The following KIT variants were observed in gnomAD, a reference collection of about 807,000 sequenced individuals.
KIT encodes mast/stem cell growth factor receptor Kit.
Under a neutral mutation model 105.7 loss-of-function variants are expected in KIT, and 16 were observed. The ratio of observed to expected loss-of-function variants is 0.15; its 90% CI spans 0.10 to 0.23. The LOEUF (loss-of-function observed/expected upper bound fraction) is 0.23, where lower values mean the gene tolerates loss of function less well. Ranked by LOEUF, KIT falls within the 10% of genes least tolerant of loss-of-function variation. The pLI is 1.00. For synonymous variants in KIT, 438 were observed against 441.1 expected (o/e 0.99, Z 0.09); for missense variants, 858 against 1,213.8 (o/e 0.71, Z 4.36).
chr4:54,715,889 GGACTGCTCAGATTTGGTCCTTAAGGCC>G (rs1341042571), intron 7 of KIT, among the ~76,000 whole-genome samples: 2 of 152,182 alleles, frequency 1.3e-5, no homozygotes, highest in African/African-American at 4.8e-5. Flanking sequence ...TTGCCTGCAA[GGACTGCTCAGATTTGGTCCTTAAGGCC>G]ACTGTGCCCT....
At chr4:54,734,886 G>A (rs994284955) in intron 17 of KIT, among the ~76,000 whole-genome samples, 2 of 152,088 alleles carry the variant, frequency 1.3e-5, no homozygotes, top group African/African-American at 4.8e-5. Context: ...CAGTTAAATC[G>A]AAATAGCTAT....
At chr4:54,692,378 G>A (rs531608208) in intron 1 of KIT, among the ~76,000 whole-genome samples, 1 of 152,238 alleles carries the variant, frequency 6.6e-6, no homozygotes, top group African/African-American at 2.4e-5. Context: ...TCATTTTCCA[G>A]GTGTGGAAAC....
chr4:54,699,841 G>C (rs1025720902), intron 4 of KIT, 75 bp downstream of exon 4: 37 of 1,539,128 alleles, frequency 2.4e-5, no homozygotes, highest in Non-Finnish European at 3.3e-5. Context: ...AGAAGAGTCT[G>C]TCCTGAAACT....
chr4:54,732,984 AAC>A, intron 16 of KIT, 84 bp from the exon 17 acceptor site: 2 of 1,118,412 alleles, frequency 1.8e-6, no homozygotes, highest in Non-Finnish European at 1.3e-6. Context: ...TAATATAAGC[AAC>A]ACTATAGTAT....
intron 1 of KIT, among the ~76,000 whole-genome samples, chr4:54,693,126 G>A (rs1052556544): frequency 1.3e-4 from 20 of 152,164 alleles, no homozygotes; most frequent in Non-Finnish European, 2.9e-5. Flanking sequence ...AACTACCCAA[G>A]GGAGAGGTCT....
intron 8 of KIT, among the ~76,000 whole-genome samples, chr4:54,724,234 T>G (rs1419609958): frequency 6.6e-6 from 1 of 152,162 alleles, no homozygotes; most frequent in African/African-American, 2.4e-5. Context: ...CATCCACACT[T>G]AAGCCTTAAA....
At chr4:54,697,285 A>G (rs1462602152) in intron 2 of KIT, among the ~76,000 whole-genome samples, 1 of 152,156 alleles carries the variant, frequency 6.6e-6, no homozygotes, top group Admixed American at 6.5e-5. Context: ...TTTTTTCAAA[A>G]TTGATCAAGG....
At position 54,698,462 on chromosome 4, in the gene KIT, C is replaced by G. The variant is rs1060504656; in HGVS notation, c.516C>G (p.Ile172Met). The G allele has an allele frequency of 6.2e-7, 1 of 1,614,044 alleles. No individual in the cohort carries two copies. The highest frequency in any genetic ancestry group is 8.5e-7 in the Non-Finnish European group (1 of 1,180,032). The change falls in exon 3 of 21, where the codon ATC becomes ATG. Residue 172 changes from isoleucine to methionine, a missense_variant. Physicochemically the swap from Ile to Met is conservative, Grantham distance 10. Coordinates refer to ENST00000288135, the MANE Select transcript of KIT (RefSeq NM_000222.3). ...FIPDPKAGIM[I>M]KSVKRAYHRL... ...CTGACCCCAAGGCGGGCATCATGAT[C>G]AAAAGTGTGAAACGCGCCTACCATC...
chr4:54,735,366 CAAAAAAAAAAAAG>C (rs1327722159), intron 17 of KIT, among the ~76,000 whole-genome samples: 893 of 86,308 alleles, frequency 0.01, 11 homozygotes, highest in African/African-American at 0.029. Flanking sequence ...ACTTTAACAC[CAAAAAAAAAAAAG>C]AAAAAAAAAA....
At chr4:54,695,968 G>A (rs1403884088) in intron 2 of KIT, 187 bp downstream of exon 2, 5 of 665,440 alleles carry the variant, frequency 7.5e-6, no homozygotes, top group Non-Finnish European at 1.3e-5. Flanking sequence ...CTTTGGGTAT[G>A]GCCCCAGCTG....
At chr4:54,686,547 G>T (rs1054158841) in intron 1 of KIT, among the ~76,000 whole-genome samples, 1 of 152,094 alleles carries the variant, frequency 6.6e-6, no homozygotes, top group Non-Finnish European at 1.5e-5. Flanking sequence ...ACCTGAGTAG[G>T]TTTTTTCTTT....
intron 1 of KIT, among the ~76,000 whole-genome samples, chr4:54,665,264 C>T (rs1262727766): frequency 6.6e-6 from 1 of 152,068 alleles, no homozygotes; most frequent in Non-Finnish European, 1.5e-5. Context: ...ATGTATAGAC[C>T]ACATTCTGTT....
chr4:54,672,773 C>T (rs1399530795), intron 1 of KIT, among the ~76,000 whole-genome samples: 2 of 152,168 alleles, frequency 1.3e-5, no homozygotes, highest in African/African-American at 4.8e-5. Context: ...TTAATGCTGG[C>T]GGCCAGTCTT....
At chr4:54,679,937 A>C (rs1202362504) in intron 1 of KIT, among the ~76,000 whole-genome samples, 1 of 152,200 alleles carries the variant, frequency 6.6e-6, no homozygotes, top group Admixed American at 6.5e-5. Context: ...GTGTGATTCC[A>C]CTTATATGAG....
rs1553887306 is a variant in KIT at position 54,695,621 on chromosome 4, T to C, written c.177T>C (p.Thr59=). The change falls in exon 2 of 21, where the codon ACT becomes ACC. Residue 59 remains threonine, a synonymous_variant. Transcript: ENST00000288135. ...RVGDEIRLLC[T]DPGFVKWTFE... is the part of the protein sequence containing the mutation. ...GCGACGAGATTAGGCTGTTATGCAC[T>C]GATCCGGGCTTTGTCAAATGGACTT... is the stretch of plus-strand genomic sequence containing the variant. The C allele has an allele frequency of 8.1e-6, 13 of 1,614,260 alleles. No individual in the cohort carries two copies. The highest frequency in any genetic ancestry group is 1.1e-5 in the Non-Finnish European group (13 of 1,180,040).
At chr4:54,709,311 A>T (rs56345799) in intron 6 of KIT, 113 bp from the exon 7 acceptor site, 10 of 735,676 alleles carry the variant, frequency 1.4e-5, no homozygotes, top group Non-Finnish European at 2.2e-5. Context: ...ACTGAATTAA[A>T]TGAGTTATAT....
chr4:54,661,245 A>G (rs1028692378), intron 1 of KIT, among the ~76,000 whole-genome samples: 3 of 152,222 alleles, frequency 2.0e-5, no homozygotes, highest in South Asian at 4.1e-4. Flanking sequence ...GGTGAGAAAT[A>G]ATGACAATCT....
intron 20 of KIT, 66 bp from the exon 21 acceptor site, chr4:54,738,363 G>A (rs373305005): frequency 3.5e-5 from 55 of 1,570,996 alleles, no homozygotes; most frequent in East Asian, 6.7e-5. Flanking sequence ...GACACTGTAA[G>A]TATGCCTTTT....
At chr4:54,726,418 A>T (rs1722217762) in intron 9 of KIT, among the ~76,000 whole-genome samples, 1 of 152,194 alleles carries the variant, frequency 6.6e-6, no homozygotes. Flanking sequence ...AGTTATTTAA[A>T]ATGAATTATT....
Sources: allele counts gnomAD v4.1 joint callset (sites outside exome capture counted in the v4.1 genomes callset), GRCh38; gene constraint gnomAD v4.1.1; transcripts MANE v1.5; gene names NCBI Gene and HGNC (gene_info 2026-07-23, HGNC 2026-07-21).